The following KCNIP4 variants were observed in gnomAD, a reference collection of about 807,000 sequenced individuals.
KCNIP4 encodes the protein potassium voltage-gated channel interacting protein 4.
Under a neutral mutation model 34.0 loss-of-function variants are expected in KCNIP4, and 12 were observed. That is an observed-to-expected ratio of 0.35 (90% CI 0.23 to 0.57). The LOEUF (loss-of-function observed/expected upper bound fraction) is 0.57. Among genes scored for constraint, KCNIP4 ranks in the 20% least tolerant of loss-of-function variants. The pLI, the probability that KCNIP4 is intolerant of heterozygous loss-of-function variation, is 0.83. For missense variants in KCNIP4, 238 were observed against 311.7 expected (o/e 0.76, Z 1.78); for synonymous variants, 124 against 102.2 (o/e 1.21, Z -1.29).
chr4:21,788,717 T>G (rs1032094252), intron 1 of KCNIP4, among the ~76,000 whole-genome samples: 1 of 152,176 alleles, frequency 6.6e-6, no homozygotes, highest in Non-Finnish European at 1.5e-5. Context: ...CCGACCTACA[T>G]GAGCCCCTGA....
At chr4:21,634,142 C>T (rs1745949381) in intron 1 of KCNIP4, among the ~76,000 whole-genome samples, 1 of 148,078 alleles carries the variant, frequency 6.8e-6, no homozygotes, top group South Asian at 2.2e-4. Flanking sequence ...AATTACTGCA[C>T]TAGACCTTTG....
At chr4:20,780,507 G>C (rs561237641) in intron 3 of KCNIP4, among the ~76,000 whole-genome samples, 2 of 152,176 alleles carry the variant, frequency 1.3e-5, no homozygotes, top group African/African-American at 4.8e-5. Context: ...GAGACGCCCT[G>C]ATTCTGGTTC....
intron 1 of KCNIP4, among the ~76,000 whole-genome samples, chr4:21,670,716 C>T (rs538066031): frequency 1.7e-4 from 26 of 152,106 alleles, no homozygotes; most frequent in African/African-American, 5.8e-4. Context: ...AGTGCAGTGG[C>T]GCGATCTTGG....
intron 1 of KCNIP4, among the ~76,000 whole-genome samples, chr4:21,510,875 A>T (rs1214041163): frequency 1.9e-5 from 1 of 52,540 alleles, no homozygotes; most frequent in Non-Finnish European, 4.7e-5. Flanking sequence ...AATAAAAATT[A>T]AAAAAATAAA....
At chr4:20,995,937 C>A (rs114416888) in intron 1 of KCNIP4, among the ~76,000 whole-genome samples, 2 of 152,052 alleles carry the variant, frequency 1.3e-5, no homozygotes, top group South Asian at 2.1e-4. Context: ...TGAGAAAATG[C>A]GTTTAAAGTG....
At chr4:21,754,678 TC>T (rs543475872) in intron 1 of KCNIP4, among the ~76,000 whole-genome samples, 81 of 152,246 alleles carry the variant, frequency 5.3e-4, no homozygotes, top group African/African-American at 1.9e-3. Context: ...CTTTAACATG[TC>T]TAATAGTAGA....
At chr4:21,124,544 T>C (rs898546790) in intron 1 of KCNIP4, among the ~76,000 whole-genome samples, 6 of 152,140 alleles carry the variant, frequency 3.9e-5, no homozygotes, top group Admixed American at 6.5e-5. Context: ...CCTTCTTGAG[T>C]TGGCCATTTA....
At chr4:21,421,242 A>G (rs552314234) in intron 1 of KCNIP4, among the ~76,000 whole-genome samples, 1 of 152,320 alleles carries the variant, frequency 6.6e-6, no homozygotes, top group South Asian at 2.1e-4. Context: ...AAATAGAACT[A>G]TCACATGATC....
intron 1 of KCNIP4, among the ~76,000 whole-genome samples, chr4:21,635,706 T>C (rs1746093168): frequency 6.6e-6 from 1 of 152,138 alleles, no homozygotes; most frequent in Non-Finnish European, 1.5e-5. Flanking sequence ...GTAAACTAGT[T>C]CAACCATTGT....
intron 1 of KCNIP4, among the ~76,000 whole-genome samples, chr4:21,285,784 T>A (rs1763085914): frequency 6.6e-6 from 1 of 152,120 alleles, no homozygotes; most frequent in Non-Finnish European, 1.5e-5. Context: ...GAGGTTGCAC[T>A]CAACCACGAT....
At chr4:20,765,061 G>C (rs1755279226) in intron 3 of KCNIP4, among the ~76,000 whole-genome samples, 1 of 152,150 alleles carries the variant, frequency 6.6e-6, no homozygotes, top group Admixed American at 6.5e-5. Flanking sequence ...ACATCTTTTT[G>C]CTCATTTATT....
chr4:21,352,322 C>T lies in KCNIP4; in HGVS notation c.62-469613G>A, dbSNP rs189037828. On this transcript the variant is annotated intron_variant, in intron 1 of 8. Transcript: ENST00000382152. ...GAGGGCAAGCCAAAGCAGGGTGGGA[C>T]GTCGCCTCACCCAGGAAGTGCAAGG... Among the ~76,000 whole-genome samples, 901 of 152,268 alleles carry T rather than the reference C, an allele frequency of 5.9e-3. 5 individuals carry two copies. Among genetic ancestry groups the T allele is most frequent in the Non-Finnish European group, 6.7e-3 (453 of 68,014 alleles).
intron 1 of KCNIP4, chr4:21,848,240 T>C (rs1378912905): frequency 6.6e-6 from 1 of 152,120 alleles, no homozygotes; most frequent in Non-Finnish European, 1.5e-5. Context: ...AGCATAAGGA[T>C]TCAACATATG....
intron 1 of KCNIP4, among the ~76,000 whole-genome samples, chr4:21,351,053 C>A (rs1239352952): frequency 1.3e-5 from 2 of 152,016 alleles, no homozygotes; most frequent in Admixed American, 1.3e-4. Flanking sequence ...ATTTATCATA[C>A]AAATTTGAAA....
intron 2 of KCNIP4, among the ~76,000 whole-genome samples, chr4:20,859,107 G>A (rs543642821): frequency 2.0e-5 from 3 of 152,138 alleles, no homozygotes; most frequent in South Asian, 2.1e-4. Context: ...AAAATATGCC[G>A]GGGCACCTTC....
intron 1 of KCNIP4, among the ~76,000 whole-genome samples, chr4:21,420,122 A>G (rs1725324778): frequency 1.3e-5 from 2 of 152,186 alleles, no homozygotes; most frequent in African/African-American, 4.8e-5. Flanking sequence ...CCTACTTGTC[A>G]ATGTTGGTGA....
At chr4:21,045,162 A>G (rs1343690145) in intron 1 of KCNIP4, among the ~76,000 whole-genome samples, 1 of 152,228 alleles carries the variant, frequency 6.6e-6, no homozygotes, top group Non-Finnish European at 1.5e-5. Context: ...TGTGTCCTAC[A>G]GGGAAATTTA....
At chr4:21,302,529 A>G (rs1267518809) in intron 1 of KCNIP4, among the ~76,000 whole-genome samples, 2 of 152,246 alleles carry the variant, frequency 1.3e-5, no homozygotes, top group African/African-American at 4.8e-5. Flanking sequence ...TACTGGTTTC[A>G]TGAGAGTGTA....
intron 1 of KCNIP4, among the ~76,000 whole-genome samples, chr4:21,122,137 G>T (rs1180844696): frequency 6.6e-6 from 1 of 151,170 alleles, no homozygotes; most frequent in South Asian, 2.1e-4. Flanking sequence ...GCCAAACAAT[G>T]TAGCCTAAAG....
Sources: allele counts gnomAD v4.1 joint callset (sites outside exome capture counted in the v4.1 genomes callset), GRCh38; gene constraint gnomAD v4.1.1; transcripts MANE v1.5; gene names NCBI Gene and HGNC (gene_info 2026-07-23, HGNC 2026-07-21).